Variants in PPP2R5C observed in about 807,000 individuals in gnomAD.
PPP2R5C encodes serine/threonine-protein phosphatase 2A 56 kDa regulatory subunit gamma isoform.
Under a neutral mutation model 68.9 loss-of-function variants are expected in PPP2R5C, and 7 were observed. That is an observed-to-expected ratio of 0.10 (90% CI 0.06 to 0.19). PPP2R5C has a LOEUF of 0.19. PPP2R5C is among the 10% of genes least tolerant of loss of function. PPP2R5C has a pLI of 1.00. For synonymous variants in PPP2R5C, 210 were observed against 222.2 expected, an observed-to-expected ratio of 0.95 and a Z score of 0.49; for missense variants, 348 against 641.3, an observed-to-expected ratio of 0.54 and a Z score of 4.94.
chr14:101,881,783 C>A (rs1322212689), intron 2 of PPP2R5C, among the ~76,000 whole-genome samples: 1 of 152,212 alleles, frequency 6.6e-6, no homozygotes, highest in Non-Finnish European at 1.5e-5. Flanking sequence ...CTGCGTCTTT[C>A]GTCATCTCAT....
At chr14:101,831,703 T>C (rs1361449397) in intron 1 of PPP2R5C, 3 of 693,918 alleles carry the variant, frequency 4.3e-6, no homozygotes, top group Non-Finnish European at 7.9e-6. Flanking sequence ...AAATGCAGAT[T>C]GCAAATGCAC....
chr14:101,848,555 A>G (rs2041972824), intron 1 of PPP2R5C, among the ~76,000 whole-genome samples: 1 of 151,902 alleles, frequency 6.6e-6, no homozygotes, highest in Admixed American at 6.6e-5. Flanking sequence ...AAAAAGAAAG[A>G]AAGAAAGAAA....
intron 1 of PPP2R5C, among the ~76,000 whole-genome samples, chr14:101,762,596 G>A (rs527868535): frequency 4.9e-4 from 74 of 152,210 alleles, no homozygotes; most frequent in Admixed American, 1.9e-3. Context: ...GTTTAGGGTG[G>A]GAGGGTAGAA....
At chr14:101,785,988 A>G (rs1222658028) in intron 2 of PPP2R5C, 30 bp from the exon 3 acceptor site, 1 of 1,512,924 alleles carries the variant, frequency 6.6e-7, no homozygotes, top group African/African-American at 1.4e-5. Context: ...CATTGTACAT[A>G]TTCATTTGTT....
intron 2 of PPP2R5C, among the ~76,000 whole-genome samples, chr14:101,881,479 T>G (rs2044167893): frequency 6.6e-6 from 1 of 152,198 alleles, no homozygotes; most frequent in Non-Finnish European, 1.5e-5. Context: ...CAGTAATCTT[T>G]TCTGTTTATG....
chr14:101,790,345 A>G (rs1462594124), intron 3 of PPP2R5C, among the ~76,000 whole-genome samples: 4 of 152,226 alleles, frequency 2.6e-5, no homozygotes, highest in Non-Finnish European at 5.9e-5. Context: ...GAGTTGTGCA[A>G]CCGTCACCAC....
intron 2 of PPP2R5C, among the ~76,000 whole-genome samples, chr14:101,778,825 AC>A (rs1280965083): frequency 3.3e-5 from 5 of 152,176 alleles, no homozygotes; most frequent in Admixed American, 1.3e-4. Context: ...TTGGGAGGCC[AC>A]AGCAGATTGG....
At chr14:101,866,242 GAGTT>G (rs1326906858) in intron 2 of PPP2R5C, among the ~76,000 whole-genome samples, 2 of 152,236 alleles carry the variant, frequency 1.3e-5, no homozygotes, top group Admixed American at 6.5e-5. Flanking sequence ...ACTTCATAGA[GAGTT>G]AGTTAGATTA....
chr14:101,845,514 G>A (rs1210507067), intron 1 of PPP2R5C, among the ~76,000 whole-genome samples: 1 of 150,876 alleles, frequency 6.6e-6, no homozygotes, highest in East Asian at 1.9e-4. Flanking sequence ...CAGTCTTCAT[G>A]GGCGGAAAGC....
intron 2 of PPP2R5C, among the ~76,000 whole-genome samples, chr14:101,772,003 G>A (rs2037173125): frequency 6.6e-6 from 1 of 152,058 alleles, no homozygotes. Flanking sequence ...AGCCACATGT[G>A]GCCAGCAGCT....
chr14:101,856,919 T>C, intron 2 of PPP2R5C, 34 bp downstream of exon 4: 2 of 1,593,442 alleles, frequency 1.3e-6, no homozygotes, highest in Non-Finnish European at 1.7e-6. Context: ...TGTGTCCCAG[T>C]TCTGATTTAT....
At chr14:101,851,888 C>T (rs2042174767) in intron 1 of PPP2R5C, among the ~76,000 whole-genome samples, 1 of 152,074 alleles carries the variant, frequency 6.6e-6, no homozygotes, top group South Asian at 2.1e-4. Flanking sequence ...GTAATTCAGC[C>T]TTACTTCCTC....
intron 2 of PPP2R5C, among the ~76,000 whole-genome samples, chr14:101,872,219 C>CTTTTTTTTTT (rs386382344): frequency 7.7e-5 from 7 of 91,196 alleles, no homozygotes; most frequent in African/African-American, 1.0e-4. Context: ...TTTCTTTTGC[C>CTTTTTTTTTT]TTTTTTTTTT....
chr14:101,765,184 C>A, intron 2 of PPP2R5C: 1 of 702,734 alleles, frequency 1.4e-6, no homozygotes, highest in Non-Finnish European at 2.6e-6. Flanking sequence ...AGCTACAGAG[C>A]TTGAAATTAC....
At chr14:101,760,935 G>A (rs1318215723), upstream of PPP2R5C, among the ~76,000 whole-genome samples, 390 of 105,766 alleles carry the variant, frequency 3.7e-3, 9 homozygotes, top group African/African-American at 0.015. Flanking sequence ...GGCTGGCCGA[G>A]GGAAGAGGAG....
At chr14:101,815,720 G>A (rs1055433549) in intron 1 of PPP2R5C, among the ~76,000 whole-genome samples, 15 of 152,192 alleles carry the variant, frequency 9.9e-5, no homozygotes, top group Admixed American at 4.6e-4. Flanking sequence ...CCCAGGCTGG[G>A]GTGCAGTGGC....
At chr14:101,815,885 C>G (rs1194901830) in intron 1 of PPP2R5C, among the ~76,000 whole-genome samples, 1 of 152,048 alleles carries the variant, frequency 6.6e-6, no homozygotes, top group Non-Finnish European at 1.5e-5. Context: ...GGCCAGGCTG[C>G]TCTCGAACTC....
intron 1 of PPP2R5C, chr14:101,836,237 CCG>C: frequency 1.4e-6 from 1 of 702,790 alleles, no homozygotes; most frequent in Non-Finnish European, 2.6e-6. Context: ...TCAGCTGTGG[CCG>C]CCTACGGAGC....
intron 2 of PPP2R5C, among the ~76,000 whole-genome samples, chr14:101,876,321 G>A (rs2043775988): frequency 6.6e-6 from 1 of 151,988 alleles, no homozygotes; most frequent in African/African-American, 2.4e-5. Context: ...ATAAAACAGA[G>A]AATAAATAAC....
Sources: allele counts gnomAD v4.1 joint callset (sites outside exome capture counted in the v4.1 genomes callset), GRCh38; gene constraint gnomAD v4.1.1; transcripts MANE v1.5; gene names NCBI Gene and HGNC (gene_info 2026-07-23, HGNC 2026-07-21).